Variants in RALGPS1 observed in about 807,000 individuals in gnomAD.
The protein encoded by RALGPS1 is Ral GEF with PH domain and SH3 binding motif 1, also known as ras-specific guanine nucleotide-releasing factor RalGPS1.
A neutral mutation model predicts 78.8 loss-of-function variants in RALGPS1; 19 were observed. The ratio of observed to expected loss-of-function variants is 0.24; its 90% CI spans 0.17 to 0.35. RALGPS1 has a LOEUF of 0.35. Ranked by LOEUF, RALGPS1 falls within the 10% of genes least tolerant of loss-of-function variation. The pLI is 1.00. For synonymous variants in RALGPS1, 228 were observed against 256.3 expected, an observed-to-expected ratio of 0.89 and a Z score of 1.06; for missense variants, 454 against 688.3, an observed-to-expected ratio of 0.66 and a Z score of 3.81.
chr9:127,089,509 C>T (rs567561856), intron 8 of RALGPS1, among the ~76,000 whole-genome samples: 7 of 152,300 alleles, frequency 4.6e-5, no homozygotes, highest in African/African-American at 1.4e-4. Context: ...AACTCCACAC[C>T]TTGTGTTCTG....
intron 14 of RALGPS1, among the ~76,000 whole-genome samples, chr9:127,210,954 A>G (rs975601957): frequency 6.6e-6 from 1 of 152,110 alleles, no homozygotes; most frequent in African/African-American, 2.4e-5. Context: ...CAGGAAGAGG[A>G]GGGGGAGCTT....
chr9:127,098,286 A>G (rs1033703880), intron 8 of RALGPS1, among the ~76,000 whole-genome samples: 1 of 152,224 alleles, frequency 6.6e-6, no homozygotes, highest in Non-Finnish European at 1.5e-5. Context: ...ACCAGTGCAG[A>G]GTACCTAGCG....
At chr9:127,032,762 A>C (rs926390223) in intron 4 of RALGPS1, among the ~76,000 whole-genome samples, 21 of 152,142 alleles carry the variant, frequency 1.4e-4, no homozygotes, top group Non-Finnish European at 5.9e-5. Context: ...GGCCGAAGCA[A>C]GAAGATCGCT....
intron 4 of RALGPS1, among the ~76,000 whole-genome samples, chr9:126,992,154 C>G (rs1370513839): frequency 2.0e-5 from 3 of 152,216 alleles, no homozygotes; most frequent in Non-Finnish European, 4.4e-5. Flanking sequence ...ATGGTCAAGT[C>G]ACTTAGCCTC....
intron 3 of RALGPS1, among the ~76,000 whole-genome samples, chr9:126,975,812 G>A (rs1238895244): frequency 1.3e-5 from 2 of 152,186 alleles, no homozygotes; most frequent in African/African-American, 4.8e-5. Flanking sequence ...ATCAAGAGGT[G>A]TTGGGTGGAA....
chr9:127,150,537 T>G (rs1345646688), intron 8 of RALGPS1, among the ~76,000 whole-genome samples: 1 of 152,226 alleles, frequency 6.6e-6, no homozygotes, highest in East Asian at 1.9e-4. Flanking sequence ...GTGCAGCCTG[T>G]GCAGAGTGGG....
intron 7 of RALGPS1, among the ~76,000 whole-genome samples, chr9:127,061,209 A>G (rs1462130980): frequency 1.3e-5 from 2 of 152,216 alleles, no homozygotes; most frequent in Admixed American, 1.3e-4. Context: ...AAAACAAACC[A>G]TACACCTTTC....
intron 11 of RALGPS1, among the ~76,000 whole-genome samples, chr9:127,191,959 AGTGCTGGGATTAGAGGC>A (rs1254900474): frequency 6.6e-6 from 1 of 152,098 alleles, no homozygotes; most frequent in East Asian, 1.9e-4. Flanking sequence ...GGCCTCTCAA[AGTGCTGGGATTAGAGGC>A]GTGAGCCACG....
chr9:126,934,025 C>T (rs1214086308), intron 1 of RALGPS1, among the ~76,000 whole-genome samples: 2 of 152,136 alleles, frequency 1.3e-5, no homozygotes, highest in Non-Finnish European at 2.9e-5. Context: ...CCATGCACAC[C>T]TTACATGCTT....
rs368997146 is a variant in RALGPS1, at chr9:127,214,837, C to T, written c.1639C>T (p.Pro547Ser). Reference sequence around the variant, plus strand: ...GGATGATGCATGTAAAAGCAACAGGCCTCAGGTAAAGTCATCAAAATCCTG... The same window carrying T: ...GGATGATGCATGTAAAAGCAACAGGTCTCAGGTAAAGTCATCAAAATCCTG... The part of the protein sequence containing the change: ...HLDDACKSNR[P>S]QVPANLMSFE Residue 547 changes from proline (P) to serine (S), a missense_variant, in exon 18 of 19, where the codon CCT (proline) becomes TCT (serine). By Grantham distance (74) the Pro-to-Ser change is moderately conservative. Coordinates refer to ENST00000259351, the MANE Select transcript of RALGPS1 (RefSeq NM_014636.3). The T allele has an allele frequency of 1.2e-6, 2 of 1,613,268 alleles. No homozygotes were observed. The highest frequency in any genetic ancestry group is 2.7e-5 in the African/African-American group (2 of 74,896).
chr9:127,185,380 C>T (rs1158010569), intron 11 of RALGPS1, among the ~76,000 whole-genome samples: 1 of 152,230 alleles, frequency 6.6e-6, no homozygotes, highest in Non-Finnish European at 1.5e-5. Flanking sequence ...CTTGCACCCA[C>T]CTGGACATCA....
intron 14 of RALGPS1, among the ~76,000 whole-genome samples, chr9:127,201,138 A>G (rs542863512): frequency 6.6e-6 from 1 of 152,328 alleles, no homozygotes; most frequent in African/African-American, 2.4e-5. Flanking sequence ...TGTCATGATC[A>G]CTGTAGGCCA....
In RALGPS1 at chr9:126,962,218, C is replaced by T; in HGVS notation, c.-65-7C>T. The T allele has an allele frequency of 6.6e-7, 1 of 1,517,344 alleles. No homozygotes were observed. Among genetic ancestry groups the T allele is most frequent in the Non-Finnish European group, 9.1e-7 (1 of 1,097,844 alleles). 94.0% of individuals were successfully genotyped at this position (1,517,344 alleles called of 1,614,324 possible). A position where few individuals can be genotyped will look rare whatever the true frequency, so the allele number is the denominator to read the frequency against. The stretch of plus-strand genomic sequence containing the variant: ...GACTGATTTTTATGAGCCCCTTTGC[C>T]TTGCAGGACTTCTCCAGACAGGTTA... On this transcript the variant is annotated splice_region_variant and splice_polypyrimidine_tract_variant and intron_variant, in intron 1 of 18. Transcript: ENST00000259351.
At chr9:127,119,278 G>C (rs1010179934) in intron 8 of RALGPS1, among the ~76,000 whole-genome samples, 1 of 152,204 alleles carries the variant, frequency 6.6e-6, no homozygotes, top group Admixed American at 6.5e-5. Flanking sequence ...CTTCCATGAA[G>C]AGCAAGGGAT....
intron 11 of RALGPS1, among the ~76,000 whole-genome samples, chr9:127,184,509 G>C (rs979206437): frequency 3.3e-5 from 5 of 152,192 alleles, no homozygotes; most frequent in African/African-American, 7.2e-5. Context: ...TTTCTGTGCA[G>C]AGGGGCCCCA....
At chr9:126,973,180 C>A (rs993034219) in intron 3 of RALGPS1, among the ~76,000 whole-genome samples, 2 of 151,920 alleles carry the variant, frequency 1.3e-5, no homozygotes, top group African/African-American at 2.4e-5. Context: ...TCAGCCTGGG[C>A]AACAGAGCTA....
rs145251698 is a variant in RALGPS1, at chr9:126,939,801, G to A, written c.-65-22424G>A. Among the ~76,000 whole-genome samples, 14 of 152,336 alleles carry A rather than the reference G, an allele frequency of 9.2e-5. No homozygotes were observed. The South Asian group carries it at 2.9e-3, about 32-fold the overall frequency. ...GAGCAGGGAGCAGCCGCATTGGCAT[G>A]TCAGAGTGACAAGCGTTGCGGAGGG... On this transcript the variant is annotated intron_variant, in intron 1 of 18. Transcript: ENST00000259351.
At chr9:127,073,115 T>G (rs570399937) in intron 8 of RALGPS1, among the ~76,000 whole-genome samples, 24 of 152,308 alleles carry the variant, frequency 1.6e-4, no homozygotes, top group Middle Eastern at 3.4e-3. Context: ...TTTAGCTACT[T>G]CAAAATACAC....
At position 127,197,361 on chromosome 9, in the gene RALGPS1, G is replaced by A. The variant is rs187363488; in HGVS notation, c.1195+730G>A. Among the ~76,000 whole-genome samples, 39 of 152,292 alleles carry A rather than the reference G, an allele frequency of 2.6e-4. No individual in the cohort carries two copies. In the East Asian group the frequency reaches 7.4e-3, roughly 29 times the overall value. On this transcript the variant is annotated intron_variant, in intron 13 of 18. Transcript: ENST00000259351. ...TCTGATGCCTGTTGCCTTTCGGTGTGCCTGTGCCTCTGTGGTCTGTGTGTC... is the reference window on the plus strand; with the variant it reads ...TCTGATGCCTGTTGCCTTTCGGTGTACCTGTGCCTCTGTGGTCTGTGTGTC...
Sources: allele counts gnomAD v4.1 joint callset (sites outside exome capture counted in the v4.1 genomes callset), GRCh38; gene constraint gnomAD v4.1.1; transcripts MANE v1.5; gene names NCBI Gene and HGNC (gene_info 2026-07-23, HGNC 2026-07-21).